APBA2: variants seen among roughly 807,000 people sequenced by gnomAD.
The protein encoded by APBA2 is amyloid beta precursor protein binding family A member 2.
Under a neutral mutation model 75.0 loss-of-function variants are expected in APBA2, and 30 were observed. The observed-to-expected ratio is 0.40, with a 90% CI of 0.30 to 0.54. APBA2 has a LOEUF of 0.54. Ranked by LOEUF, APBA2 falls within the 20% of genes least tolerant of loss-of-function variation. APBA2 has a pLI of 0.49. For synonymous variants in APBA2, 444 were observed against 409.6 expected (o/e 1.08, Z -1.01); for missense variants, 801 against 1,016.1 (o/e 0.79, Z 2.88).
chr15:29,058,240 G>A (rs1245973644), intron 4 of APBA2, among the ~76,000 whole-genome samples: 2 of 152,142 alleles, frequency 1.3e-5, no homozygotes, highest in Non-Finnish European at 2.9e-5. Flanking sequence ...GCTGGGTGCA[G>A]TGGCTCACAC....
intron 3 of APBA2, among the ~76,000 whole-genome samples, chr15:29,014,199 G>A (rs1284095490): frequency 2.0e-5 from 3 of 152,232 alleles, no homozygotes; most frequent in East Asian, 1.9e-4. Flanking sequence ...ATCTCACTTC[G>A]CTGCATGCAG....
chr15:29,024,060 T>TATGG (rs921670740), intron 3 of APBA2, among the ~76,000 whole-genome samples: 16 of 151,754 alleles, frequency 1.1e-4, no homozygotes, highest in African/African-American at 3.9e-4. Context: ...CATGCCACCA[T>TATGG]GCCTGGCTAA....
chr15:29,107,634 G>A (rs535164061), intron 12 of APBA2, among the ~76,000 whole-genome samples: 1 of 152,304 alleles, frequency 6.6e-6, no homozygotes, highest in South Asian at 2.1e-4. Flanking sequence ...AGACATGGGA[G>A]AGGCCTCCAC....
chr15:29,073,697 A>G (rs542397173), intron 4 of APBA2, among the ~76,000 whole-genome samples: 1 of 152,254 alleles, frequency 6.6e-6, no homozygotes, highest in Admixed American at 6.5e-5. Context: ...CCATCATCAT[A>G]TTGTTATTTC....
At chr15:28,985,788 G>A (rs1174773477) in intron 2 of APBA2, among the ~76,000 whole-genome samples, 2 of 152,218 alleles carry the variant, frequency 1.3e-5, no homozygotes, top group Non-Finnish European at 2.9e-5. Context: ...CAGCTGGTTC[G>A]TTCTATGAAA....
chr15:28,924,500 T>G (rs986876241), intron 2 of APBA2, among the ~76,000 whole-genome samples: 1 of 152,208 alleles, frequency 6.6e-6, no homozygotes, highest in Non-Finnish European at 1.5e-5. Context: ...TTCCCATAAA[T>G]TAGACATCAT....
At chr15:29,056,723 G>C (rs1227222081) in intron 4 of APBA2, among the ~76,000 whole-genome samples, 3 of 149,332 alleles carry the variant, frequency 2.0e-5, no homozygotes, top group Non-Finnish European at 4.4e-5. Flanking sequence ...ACACCTGCTA[G>C]TTCCAGAGTT....
chr15:29,048,321 C>T (rs1372329557), intron 3 of APBA2, among the ~76,000 whole-genome samples: 1 of 152,132 alleles, frequency 6.6e-6, no homozygotes, highest in Non-Finnish European at 1.5e-5. Flanking sequence ...GCACTTTAGC[C>T]TGGGCGACAG....
intron 9 of APBA2, among the ~76,000 whole-genome samples, chr15:29,101,353 CTGAG>C (rs2044112908): frequency 6.6e-6 from 1 of 152,096 alleles, no homozygotes; most frequent in South Asian, 2.1e-4. Context: ...CCTCAGCCTC[CTGAG>C]TATCTGGGAT....
rs2033790496 is a variant in APBA2, at chr15:28,918,425, C to G, written c.-204-3215C>G. ...TGATGCGCAACGCCCCCTCCAGGCC[C>G]CGAGTCCCTGTCCTTGGAGGAAGCA... On this transcript the variant is annotated intron_variant, in intron 1 of 14. Coordinates refer to ENST00000683413, the MANE Select transcript of APBA2 (RefSeq NM_001353788.2). This position sits in a 1 kb window ranked among gnomAD's most constrained non-coding sequence, Gnocchi z 4.2. 1.3e-5 allele frequency among the ~76,000 whole-genome samples: 2 copies of G among 152,174 alleles called. No individual in the cohort carries two copies. Among genetic ancestry groups the G allele is most frequent in the South Asian group, 4.1e-4 (2 of 4,834 alleles).
intron 2 of APBA2, among the ~76,000 whole-genome samples, chr15:28,933,301 G>A (rs530645501): frequency 6.4e-4 from 98 of 152,108 alleles, no homozygotes; most frequent in Non-Finnish European, 1.2e-3. Context: ...GATCAATGCC[G>A]TTTTAAAAGA....
chr15:29,086,333 ACCCAGATTCCCGATC>A (rs1276768255), intron 6 of APBA2, among the ~76,000 whole-genome samples: 1 of 152,150 alleles, frequency 6.6e-6, no homozygotes, highest in Non-Finnish European at 1.5e-5. Context: ...GCTAAGCCAC[ACCCAGATTCCCGATC>A]CACAGAAACT....
intron 5 of APBA2, 28 bp from the exon 6 acceptor site, chr15:29,076,027 T>A: frequency 6.2e-7 from 1 of 1,609,914 alleles, no homozygotes; most frequent in Admixed American, 1.7e-5. Flanking sequence ...AATTGTTATG[T>A]GTTTTATTTT....
rs577152062 is a variant in APBA2, at chr15:29,074,051, A to G, written c.952-870A>G. ...TTTTGGGCACTCTTGGTGGGAACGT[A>G]AATAGTACTACTGCTGTGGAAAACA... On this transcript the variant is annotated intron_variant, in intron 4 of 14. Coordinates refer to ENST00000683413, the MANE Select transcript of APBA2 (RefSeq NM_001353788.2). 2.0e-5 allele frequency among the ~76,000 whole-genome samples: 3 copies of G among 152,300 alleles called. No individual in the cohort carries two copies. In the East Asian group the frequency reaches 5.8e-4, roughly 29 times the overall value.
intron 1 of APBA2, among the ~76,000 whole-genome samples, chr15:28,906,140 G>A (rs560820961): frequency 8.5e-5 from 13 of 152,128 alleles, no homozygotes; most frequent in South Asian, 4.2e-4. Flanking sequence ...TCCCCCAGCC[G>A]TGTGTCTTAG....
At chr15:28,913,719 C>G (rs537918209) in intron 1 of APBA2, among the ~76,000 whole-genome samples, 1 of 152,148 alleles carries the variant, frequency 6.6e-6, no homozygotes, top group Non-Finnish European at 1.5e-5. Flanking sequence ...TGGGTCTCAC[C>G]GTCTTTAGAA....
At chr15:28,930,817 C>G (rs1384103655) in intron 2 of APBA2, among the ~76,000 whole-genome samples, 1 of 152,186 alleles carries the variant, frequency 6.6e-6, no homozygotes, top group Non-Finnish European at 1.5e-5. Flanking sequence ...GGCTGATGCC[C>G]TTGACTGCTC....
chr15:28,910,397 T>C (rs2033374407), intron 1 of APBA2, among the ~76,000 whole-genome samples: 2 of 152,146 alleles, frequency 1.3e-5, no homozygotes, highest in African/African-American at 4.8e-5. Context: ...GGTGGGATAA[T>C]GGTATCTAGC....
chr15:29,084,956 G>A (rs543995219), intron 6 of APBA2, among the ~76,000 whole-genome samples: 22 of 152,188 alleles, frequency 1.4e-4, no homozygotes, highest in South Asian at 8.3e-4. Flanking sequence ...AAAAACTTTC[G>A]TACATATTTT....
Sources: gnomAD v4.1 joint callset for allele counts (sites outside exome capture counted in the v4.1 genomes callset) on GRCh38, gnomAD v4.1.1 for gene constraint, Gnocchi (gnomAD v3.1) non-coding constraint, MANE v1.5 for transcripts, NCBI Gene and HGNC (gene_info 2026-07-23, HGNC 2026-07-21) for gene names.